The following LIX1L variants were observed in gnomAD, a reference collection of about 807,000 sequenced individuals.
LIX1L encodes the protein LIX1-like protein.
A neutral mutation model predicts 34.0 loss-of-function variants in LIX1L; 20 were observed. The ratio of observed to expected loss-of-function variants is 0.59; its 90% CI spans 0.41 to 0.85. LIX1L has a LOEUF of 0.85. Among genes scored for constraint, LIX1L ranks in the 40% least tolerant of loss-of-function variants. LIX1L has a pLI of 0.00. For missense variants in LIX1L, 397 were observed against 447.0 expected (o/e 0.89, Z 1.01); for synonymous variants, 170 against 187.4 (o/e 0.91, Z 0.76).
rs1297753841 is a variant in LIX1L at position 145,935,059 on chromosome 1, C to G, written c.*1251G>C. On this transcript the variant is annotated 3_prime_UTR_variant, in exon 6 of 6. Coordinates refer to ENST00000604000, the MANE Select transcript of LIX1L (RefSeq NM_153713.3). Reference sequence around the variant, plus strand: ...GCGTGTGCCTGTAATCCCAGCTACTCGGGAAGCTGAGGCAAGAGAATCGCT... The same window carrying G: ...GCGTGTGCCTGTAATCCCAGCTACTGGGGAAGCTGAGGCAAGAGAATCGCT... The G allele has an allele frequency of 6.7e-6, 1 of 150,354 alleles. No individual in the cohort carries two copies. Among genetic ancestry groups the G allele is most frequent in the African/African-American group, 2.5e-5 (1 of 40,702 alleles). 9.3% of individuals were successfully genotyped at this position (150,354 alleles called of 1,614,324 possible).
chr1:145,933,497 G>A lies in LIX1L; in HGVS notation c.*2813C>T, dbSNP rs1423110598. 1.3e-5 allele frequency: 2 copies of A among 152,138 alleles called. No homozygotes were observed. The highest frequency in any genetic ancestry group is 2.4e-5 in the African/African-American group (1 of 41,424). The allele number at this position is 152,138 out of a possible 1,614,324, so 9.4% of individuals were successfully genotyped here. ...TACATAGAATGTACTAAGAAGATGA[G>A]TAAAATCTTTGACACCAGAAGTGGA... is the stretch of plus-strand genomic sequence containing the variant. On this transcript the variant is annotated 3_prime_UTR_variant, in exon 6 of 6. Coordinates refer to ENST00000604000, the MANE Select transcript of LIX1L (RefSeq NM_153713.3).
intron 3 of LIX1L, 64 bp downstream of exon 3, chr1:145,942,649 G>A (rs1373067839): frequency 2.2e-5 from 33 of 1,479,648 alleles, no homozygotes; most frequent in African/African-American, 1.5e-4. Flanking sequence ...AGTAATTTAC[G>A]ACTTCCCAAG....
chr1:145,957,152 T>C lies in LIX1L; in HGVS notation c.292+484A>G, dbSNP rs587680122. 7.2e-5 allele frequency among the ~76,000 whole-genome samples: 11 copies of C among 152,032 alleles called. No homozygotes were observed. In the South Asian group the frequency reaches 2.3e-3, roughly 32 times the overall value. On this transcript the variant is annotated intron_variant, in intron 1 of 5. Coordinates refer to ENST00000604000, the MANE Select transcript of LIX1L (RefSeq NM_153713.3). ...CTGAAGTTGCACTGAAATTTCAGAGTGAAGGTAAGTAAGTAAAGAATTTAA... is the reference window on the plus strand; with the variant it reads ...CTGAAGTTGCACTGAAATTTCAGAGCGAAGGTAAGTAAGTAAAGAATTTAA...
At chr1:145,937,040 C>T (rs1457772828) in intron 4 of LIX1L, 55 bp from the exon 5 acceptor site, 1 of 1,258,220 alleles carries the variant, frequency 7.9e-7, no homozygotes, top group Non-Finnish European at 1.2e-6. Flanking sequence ...TGGGAGGTTG[C>T]ATCAGAATTA....
intron 1 of LIX1L, among the ~76,000 whole-genome samples, chr1:145,956,367 C>T (rs1553760349): frequency 6.6e-6 from 1 of 152,106 alleles, no homozygotes; most frequent in African/African-American, 2.4e-5. Flanking sequence ...GCATGTTCTA[C>T]TTAAGGAACT....
intron 1 of LIX1L, among the ~76,000 whole-genome samples, chr1:145,955,701 G>A (rs1353215500): frequency 1.3e-5 from 2 of 152,194 alleles, no homozygotes; most frequent in Non-Finnish European, 2.9e-5. Flanking sequence ...CTTTCCTAAA[G>A]TACTGGCTGG....
chr1:145,946,035 C>T (rs1243527606), intron 2 of LIX1L, among the ~76,000 whole-genome samples: 2 of 150,192 alleles, frequency 1.3e-5, no homozygotes, highest in Admixed American at 6.6e-5. Context: ...GCCCAGGAGG[C>T]GGAGGTTGCA....
intron 2 of LIX1L, 94 bp from the exon 3 acceptor site, chr1:145,942,947 T>C: frequency 1.7e-6 from 2 of 1,202,296 alleles, no homozygotes; most frequent in South Asian, 1.3e-5. Flanking sequence ...TAGAAAACAC[T>C]TGGACGCTCT....
At chr1:145,947,831 C>T (rs782493611) in intron 1 of LIX1L, 49 bp from the exon 2 acceptor site, 17 of 1,562,410 alleles carry the variant, frequency 1.1e-5, no homozygotes, top group East Asian at 2.2e-5. Context: ...AACACCTCCA[C>T]GTGGTGCTAT....
intron 3 of LIX1L, among the ~76,000 whole-genome samples, chr1:145,940,528 CT>C (rs1229568570): frequency 4.7e-4 from 45 of 95,300 alleles, no homozygotes; most frequent in South Asian, 1.4e-3. Flanking sequence ...TGTATTTTTT[CT>C]TTTTTTTTTT....
intron 3 of LIX1L, among the ~76,000 whole-genome samples, chr1:145,938,867 C>T (rs1324786111): frequency 7.2e-5 from 11 of 152,106 alleles, no homozygotes; most frequent in African/African-American, 2.4e-4. Context: ...GGATTACAGG[C>T]GTAAGCCACT....
At chr1:145,955,794 C>T (rs1359658073) in intron 1 of LIX1L, among the ~76,000 whole-genome samples, 1 of 152,172 alleles carries the variant, frequency 6.6e-6, no homozygotes, top group East Asian at 1.9e-4. Context: ...AAAATCACCA[C>T]GAAGTGTGAA....
At chr1:145,951,068 T>C (rs782165951) in intron 1 of LIX1L, among the ~76,000 whole-genome samples, 2 of 152,090 alleles carry the variant, frequency 1.3e-5, no homozygotes, top group African/African-American at 2.4e-5. Flanking sequence ...TATTTTTGAG[T>C]TGGAGTCTCC....
intron 3 of LIX1L, among the ~76,000 whole-genome samples, chr1:145,939,194 C>T (rs1648784914): frequency 6.6e-6 from 1 of 151,766 alleles, no homozygotes; most frequent in African/African-American, 2.4e-5. Flanking sequence ...GTTGCCCAGG[C>T]TGTACTGTGC....
chr1:145,938,674 G>A (rs1337171649), intron 3 of LIX1L, among the ~76,000 whole-genome samples: 7 of 150,614 alleles, frequency 4.6e-5, no homozygotes, highest in African/African-American at 1.5e-4. Context: ...TGCAACCTCC[G>A]CCTCCTGGGT....
In LIX1L at chr1:145,936,944, G is replaced by A. The variant is rs782734551; in HGVS notation, c.735C>T (p.Ser245=). ...ATTGTCGTTCCCTCATGGCCTTAAG[G>A]CTGCCATTCCAGTGTAGCAGTTGAA... ...TVFQLLHWNG[S]LKAMRERQCS... is the part of the protein sequence containing the mutation. The change falls in exon 5 of 6, where the codon AGC becomes AGT. Residue 245 remains serine (S), a synonymous_variant. Transcript: ENST00000604000. The A allele has an allele frequency of 6.2e-7, 1 of 1,613,516 alleles. No homozygotes were observed. Among genetic ancestry groups the A allele is most frequent in the South Asian group, 1.1e-5 (1 of 91,064 alleles).
chr1:145,957,967 C>G lies in LIX1L; in HGVS notation c.-40G>C. On this transcript the variant is annotated 5_prime_UTR_variant, in exon 1 of 6. Coordinates refer to ENST00000604000, the MANE Select transcript of LIX1L (RefSeq NM_153713.3). The stretch of plus-strand genomic sequence containing the variant: ...GAGTAGCGCCCCGGAGCCTGCCAGC[C>G]TGCCGAGCTAACGGTCCCAACCACC... The G allele has an allele frequency of 7.3e-7, 1 of 1,373,870 alleles. No homozygotes were observed. The highest frequency in any genetic ancestry group is 1.5e-5 in the South Asian group (1 of 65,028). The allele number at this position is 1,373,870 out of a possible 1,614,324, so 85.1% of individuals were successfully genotyped here.
chr1:145,936,816 A>G lies in LIX1L; in HGVS notation c.771+92T>C, dbSNP rs1471652611. 9 of 953,310 alleles carry G rather than the reference A, an allele frequency of 9.4e-6. No homozygotes were observed. The African/African-American group carries it at 1.3e-4, about 14-fold the overall frequency. The allele number at this position is 953,310 out of a possible 1,614,324, so 59.1% of individuals were successfully genotyped here. ...TCAATATTCACAACCATAGGTCACAATAGACCTTATTTCTAACATAGTAAC... is the reference window on the plus strand; with the variant it reads ...TCAATATTCACAACCATAGGTCACAGTAGACCTTATTTCTAACATAGTAAC... On this transcript the variant is annotated intron_variant, in intron 5 of 5. Transcript: ENST00000604000.
intron 1 of LIX1L, among the ~76,000 whole-genome samples, chr1:145,952,957 G>A (rs587766585): frequency 6.6e-6 from 1 of 151,904 alleles, no homozygotes; most frequent in South Asian, 2.1e-4. Context: ...TATCGCTGAA[G>A]CTAGAATTCA....
Sources: gnomAD v4.1 joint callset for allele counts (sites outside exome capture counted in the v4.1 genomes callset) on GRCh38, gnomAD v4.1.1 for gene constraint, MANE v1.5 for transcripts, NCBI Gene and HGNC (gene_info 2026-07-23, HGNC 2026-07-21) for gene names.